Variants in FOXN2 observed in about 807,000 individuals in gnomAD.
FOXN2 encodes the protein forkhead box protein N2.
Under a neutral mutation model 41.2 loss-of-function variants are expected in FOXN2, and 19 were observed. That is an observed-to-expected ratio of 0.46 (90% CI 0.32 to 0.68). The LOEUF (loss-of-function observed/expected upper bound fraction) is 0.68, where lower values mean the gene tolerates loss of function less well. FOXN2 is among the 30% of genes least tolerant of loss of function. The pLI is 0.03. For synonymous variants in FOXN2, 195 were observed against 176.8 expected, an observed-to-expected ratio of 1.10 and a Z score of -0.82; for missense variants, 587 against 509.4, an observed-to-expected ratio of 1.15 and a Z score of -1.47.
Position 48,359,063 on chromosome 2 carries a change from C to T in FOXN2, c.554C>T (p.Ser185Phe). 6.2e-7 allele frequency: 1 copy of T among 1,612,946 alleles called. No homozygotes were observed. The highest frequency in any genetic ancestry group is 8.5e-7 in the Non-Finnish European group (1 of 1,179,432). ...TTATTCTAGGTTAATGGAAAAGGTT[C>T]CTTATGGTGTGTTGATCCGGAATAT... ...RSHGKVNGKG[S>F]LWCVDPEYKP... Residue 185 changes from serine (S) to phenylalanine (F), a missense_variant, in exon 4 of 7, where the codon TCC becomes TTC. Coordinates refer to ENST00000340553, the MANE Select transcript of FOXN2 (RefSeq NM_002158.4).
chr2:48,336,045 TA>T (rs1365949152), intron 2 of FOXN2, among the ~76,000 whole-genome samples: 1 of 144,206 alleles, frequency 6.9e-6, no homozygotes, highest in East Asian at 2.2e-4. Context: ...AAAAAAATAA[TA>T]AAATAAAAAA....
At chr2:48,369,567 CT>C (rs1267090241) in intron 5 of FOXN2, among the ~76,000 whole-genome samples, 1 of 152,046 alleles carries the variant, frequency 6.6e-6, no homozygotes, top group African/African-American at 2.4e-5. Context: ...TAGAGATATA[CT>C]AATTTTTTAG....
chr2:48,359,219 G>C, intron 4 of FOXN2, 72 bp downstream of exon 4: 2 of 1,013,688 alleles, frequency 2.0e-6, no homozygotes. Flanking sequence ...AAACTTAAAG[G>C]TCCAGGGTAT....
intron 1 of FOXN2, among the ~76,000 whole-genome samples, chr2:48,325,948 A>G (rs1358126088): frequency 6.7e-6 from 1 of 149,068 alleles, no homozygotes; most frequent in Non-Finnish European, 1.5e-5. Context: ...TCCCAGGTTC[A>G]GATGATTCTT....
At chr2:48,374,852 G>A in intron 6 of FOXN2, 68 bp from the exon 7 acceptor site, 1 of 1,360,078 alleles carries the variant, frequency 7.4e-7, no homozygotes, top group Non-Finnish European at 1.0e-6. Context: ...TAATGTAGTA[G>A]TTTAAAATTG....
chr2:48,333,890 T>G (rs560268783), intron 2 of FOXN2, among the ~76,000 whole-genome samples: 7 of 150,700 alleles, frequency 4.6e-5, no homozygotes, highest in South Asian at 4.2e-4. Context: ...GGATGTGAGG[T>G]GTGTGTGTGT....
At chr2:48,346,111 C>A in intron 2 of FOXN2, 90 bp from the exon 3 acceptor site, 1 of 1,167,908 alleles carries the variant, frequency 8.6e-7, no homozygotes, top group Non-Finnish European at 1.2e-6. Flanking sequence ...CAAAATTTCT[C>A]TGATTTGGGG....
chr2:48,324,123 G>T (rs1364047493), intron 1 of FOXN2, among the ~76,000 whole-genome samples: 2 of 151,864 alleles, frequency 1.3e-5, no homozygotes, highest in Non-Finnish European at 2.9e-5. Flanking sequence ...AAAGTGAAAA[G>T]GTCACAAAGT....
At chr2:48,338,398 A>AT (rs199837642) in intron 2 of FOXN2, among the ~76,000 whole-genome samples, 64,793 of 148,088 alleles carry the variant, frequency 0.44, 14,013 homozygotes, top group East Asian at 0.53. Context: ...GAAGGATGCC[A>AT]TTTTTTTTTT....
chr2:48,337,051 T>C (rs1246714072), intron 2 of FOXN2, among the ~76,000 whole-genome samples: 1 of 147,676 alleles, frequency 6.8e-6, no homozygotes, highest in African/African-American at 2.5e-5. Context: ...GTAGGTCTTA[T>C]TCACTTTTTT....
At chr2:48,350,746 G>T (rs1331407143) in intron 3 of FOXN2, among the ~76,000 whole-genome samples, 3 of 152,342 alleles carry the variant, frequency 2.0e-5, no homozygotes, top group South Asian at 4.1e-4. Context: ...ATGGAGGCCA[G>T]TGGAAAAAGA....
intron 1 of FOXN2, among the ~76,000 whole-genome samples, chr2:48,323,983 G>A (rs954450387): frequency 6.6e-6 from 1 of 152,018 alleles, no homozygotes; most frequent in African/African-American, 2.4e-5. Flanking sequence ...TGAATTTACT[G>A]TTGACTTCCT....
At chr2:48,314,581 G>T (rs1423939706), upstream of FOXN2, 3 of 152,294 alleles carry the variant, frequency 2.0e-5, no homozygotes, top group African/African-American at 7.2e-5. Context: ...GGAGGGAGGG[G>T]TGGGGCTAAT....
chr2:48,364,517 A>C (rs1437022581), intron 5 of FOXN2, among the ~76,000 whole-genome samples: 1 of 152,186 alleles, frequency 6.6e-6, no homozygotes, highest in African/African-American at 2.4e-5. Flanking sequence ...TTTTCTCCAG[A>C]TACTAGATTC....
At chr2:48,327,565 C>T (rs997952825) in intron 1 of FOXN2, among the ~76,000 whole-genome samples, 3 of 152,170 alleles carry the variant, frequency 2.0e-5, no homozygotes, top group Non-Finnish European at 2.9e-5. Context: ...CCTGCCTCAG[C>T]CTCCCAAGTA....
In FOXN2 at chr2:48,364,381, A is replaced by G. The variant is rs10200180; in HGVS notation, c.703+1674A>G. Among the ~76,000 whole-genome samples, 1,233 of 151,692 alleles carry G rather than the reference A, an allele frequency of 8.1e-3. 23 individuals carry two copies. The highest frequency in any genetic ancestry group is 0.028 in the African/African-American group (1,174 of 41,334). ...TAGCTAGGACTACAGGTGCCATTACACCTGGCTAATTTTGTTGTTAACATT... is the reference window on the plus strand; with the variant it reads ...TAGCTAGGACTACAGGTGCCATTACGCCTGGCTAATTTTGTTGTTAACATT... On this transcript the variant is annotated intron_variant, in intron 5 of 6. Coordinates refer to ENST00000340553, the MANE Select transcript of FOXN2 (RefSeq NM_002158.4).
intron 5 of FOXN2, among the ~76,000 whole-genome samples, chr2:48,369,127 A>G (rs1273791825): frequency 6.6e-6 from 1 of 152,220 alleles, no homozygotes; most frequent in African/African-American, 2.4e-5. Flanking sequence ...AACACTTTAC[A>G]ATATTCAGAA....
chr2:48,354,032 G>C (rs1484374082), intron 3 of FOXN2, among the ~76,000 whole-genome samples: 1 of 152,054 alleles, frequency 6.6e-6, no homozygotes, highest in Non-Finnish European at 1.5e-5. Flanking sequence ...TTATACTTAT[G>C]ATGGTACATA....
At chr2:48,334,686 T>G (rs1466542468) in intron 2 of FOXN2, among the ~76,000 whole-genome samples, 1 of 152,038 alleles carries the variant, frequency 6.6e-6, no homozygotes, top group African/African-American at 2.4e-5. Flanking sequence ...CAGGTGAGCT[T>G]CTCTGTTCAT....
Sources: allele counts gnomAD v4.1 joint callset (sites outside exome capture counted in the v4.1 genomes callset), GRCh38; gene constraint gnomAD v4.1.1; transcripts MANE v1.5; gene names NCBI Gene and HGNC (gene_info 2026-07-23, HGNC 2026-07-21).